FIGN: variants seen among roughly 807,000 people sequenced by gnomAD.
The protein encoded by FIGN is fidgetin.
FIGN carries 11 observed loss-of-function variants against 51.3 expected under a neutral mutation model. The observed-to-expected ratio is 0.21, with a 90% CI of 0.13 to 0.35. FIGN has a LOEUF of 0.35. Ranked by LOEUF, FIGN falls within the 10% of genes least tolerant of loss-of-function variation. The pLI is 1.00. For missense variants in FIGN, 857 were observed against 943.6 expected (o/e 0.91, Z 1.20); for synonymous variants, 407 against 363.2 (o/e 1.12, Z -1.37).
chr2:163,663,389 C>T (rs1683721974), intron 2 of FIGN, among the ~76,000 whole-genome samples: 1 of 151,800 alleles, frequency 6.6e-6, no homozygotes, highest in South Asian at 2.1e-4. Flanking sequence ...GGCTGGAATG[C>T]AATGGCATGA....
At chr2:163,706,741 C>G (rs1447471795) in intron 2 of FIGN, among the ~76,000 whole-genome samples, 1 of 152,168 alleles carries the variant, frequency 6.6e-6, no homozygotes, top group Admixed American at 6.6e-5. Context: ...CTTTGAGGAA[C>G]AGCAACACTG....
intron 2 of FIGN, among the ~76,000 whole-genome samples, chr2:163,620,270 T>C (rs1682945378): frequency 6.6e-6 from 1 of 152,216 alleles, no homozygotes; most frequent in African/African-American, 2.4e-5. Context: ...TTGCAGCCTT[T>C]CATTTCTTAT....
intron 2 of FIGN, 101 bp downstream of exon 2, chr2:163,734,802 T>C: frequency 9.4e-7 from 1 of 1,065,338 alleles, no homozygotes; most frequent in Non-Finnish European, 1.4e-6. Context: ...TTCTATATCA[T>C]GAGCAACTGC....
At chr2:163,653,511 A>G (rs1683510417) in intron 2 of FIGN, among the ~76,000 whole-genome samples, 2 of 152,086 alleles carry the variant, frequency 1.3e-5, no homozygotes, top group South Asian at 4.1e-4. Context: ...TGTTTCTGTT[A>G]AGGGGAAAGT....
At chr2:163,676,161 C>CT (rs965284935) in intron 2 of FIGN, among the ~76,000 whole-genome samples, 21 of 151,190 alleles carry the variant, frequency 1.4e-4, no homozygotes, top group Non-Finnish European at 2.4e-4. Context: ...ATATGAATTC[C>CT]TTTTTTTGCT....
intron 2 of FIGN, among the ~76,000 whole-genome samples, chr2:163,616,262 AT>A (rs984872203): frequency 2.1e-4 from 32 of 152,292 alleles, no homozygotes; most frequent in African/African-American, 7.7e-4. Context: ...TGCCACAGCT[AT>A]AAAATTTTAA....
At chr2:163,694,934 T>C (rs1684293517) in intron 2 of FIGN, among the ~76,000 whole-genome samples, 1 of 152,208 alleles carries the variant, frequency 6.6e-6, no homozygotes, top group African/African-American at 2.4e-5. Context: ...ACGACAGGTG[T>C]TCATCACCAC....
At chr2:163,712,280 G>C (rs1473282020) in intron 2 of FIGN, among the ~76,000 whole-genome samples, 1 of 152,144 alleles carries the variant, frequency 6.6e-6, no homozygotes. Context: ...TCCTCTAAAA[G>C]AATATAAAGT....
chr2:163,691,641 G>T (rs1012367663), intron 2 of FIGN, among the ~76,000 whole-genome samples: 8 of 152,106 alleles, frequency 5.3e-5, no homozygotes, highest in African/African-American at 1.9e-4. Context: ...GAGTGGTTAT[G>T]CACTTCAATT....
At chr2:163,627,722 C>A (rs1683074424) in intron 2 of FIGN, among the ~76,000 whole-genome samples, 1 of 152,104 alleles carries the variant, frequency 6.6e-6, no homozygotes. Context: ...TATTCCTGAA[C>A]TAAAAAAGAT....
At chr2:163,636,527 C>T (rs775911009) in intron 2 of FIGN, among the ~76,000 whole-genome samples, 4 of 152,062 alleles carry the variant, frequency 2.6e-5, no homozygotes, top group Middle Eastern at 3.2e-3. Flanking sequence ...TCAGGTGATC[C>T]GCCTGCCTCA....
At chr2:163,628,707 G>A (rs1048154513) in intron 2 of FIGN, among the ~76,000 whole-genome samples, 1 of 152,090 alleles carries the variant, frequency 6.6e-6, no homozygotes, top group African/African-American at 2.4e-5. Flanking sequence ...ATATTTGGAG[G>A]AATGAAGGAA....
chr2:163,657,158 T>C (rs1032213118), intron 2 of FIGN, among the ~76,000 whole-genome samples: 6 of 150,990 alleles, frequency 4.0e-5, no homozygotes, highest in African/African-American at 1.5e-4. Context: ...GTCTATCTCA[T>C]TCCTTATGTT....
intron 2 of FIGN, among the ~76,000 whole-genome samples, chr2:163,694,269 C>T (rs952714614): frequency 6.6e-6 from 1 of 152,134 alleles, no homozygotes; most frequent in Non-Finnish European, 1.5e-5. Flanking sequence ...AGAATAAATG[C>T]TTAAATCAAT....
chr2:163,642,630 A>T (rs1013460250), intron 2 of FIGN, among the ~76,000 whole-genome samples: 3 of 152,148 alleles, frequency 2.0e-5, no homozygotes, highest in South Asian at 2.1e-4. Context: ...TTCATTATGG[A>T]TCCTACCAAA....
chr2:163,612,331 C>G (rs997892298), intron 2 of FIGN: 6 of 985,272 alleles, frequency 6.1e-6, no homozygotes, highest in Non-Finnish European at 7.2e-6. Flanking sequence ...TAGGATACCT[C>G]TCTTATTTGG....
chr2:163,715,649 G>T (rs1458132414), intron 2 of FIGN, among the ~76,000 whole-genome samples: 1 of 152,164 alleles, frequency 6.6e-6, no homozygotes, highest in Non-Finnish European at 1.5e-5. Flanking sequence ...TCCTTTTCCA[G>T]ACATACACAT....
intron 2 of FIGN, among the ~76,000 whole-genome samples, chr2:163,687,958 G>A (rs1684180270): frequency 6.6e-6 from 1 of 152,086 alleles, no homozygotes; most frequent in Admixed American, 6.6e-5. Context: ...TACAAAGTGA[G>A]GTATTAACTC....
At chr2:163,655,923 G>A (rs564225211) in intron 2 of FIGN, among the ~76,000 whole-genome samples, 24 of 152,060 alleles carry the variant, frequency 1.6e-4, no homozygotes, top group Non-Finnish European at 3.2e-4. Flanking sequence ...TACAGCATAA[G>A]TGGACTGAGC....
Sources: allele counts gnomAD v4.1 joint callset (sites outside exome capture counted in the v4.1 genomes callset), GRCh38; gene constraint gnomAD v4.1.1; transcripts MANE v1.5; gene names NCBI Gene and HGNC (gene_info 2026-07-23, HGNC 2026-07-21).